ROBO2: variants seen among roughly 807,000 people sequenced by gnomAD.
ROBO2 encodes the protein roundabout homolog 2.
ROBO2 carries 53 observed loss-of-function variants against 160.8 expected under a neutral mutation model. The ratio of observed to expected loss-of-function variants is 0.33; its 90% confidence interval spans 0.26 to 0.41. The LOEUF is 0.41. Among genes scored for constraint, ROBO2 ranks in the 10% least tolerant of loss-of-function variants. The pLI is 1.00. For missense variants in ROBO2, 1,577 were observed against 1,722.4 expected (o/e 0.92, Z 1.49); for synonymous variants, 664 against 611.7 (o/e 1.09, Z -1.26).
rs111533775 is a variant in ROBO2 at position 75,931,869 on chromosome 3, G to T, written c.-13-5612G>T. Among the ~76,000 whole-genome samples the T allele has an allele frequency of 3.4e-3, 512 of 152,046 alleles. 2 individuals carry two copies. Among genetic ancestry groups the T allele is most frequent in the African/African-American group, 0.012 (500 of 41,458 alleles). ...CAGAATTAAAACCCTAGGAGTACAG[G>T]ACTATGGCTTTCTTATTCACCACTG... On this transcript the variant is annotated intron_variant, in intron 1 of 26. Transcript: ENST00000487694.
At chr3:76,125,832 A>T (rs539488978) in intron 2 of ROBO2, among the ~76,000 whole-genome samples, 1 of 151,942 alleles carries the variant, frequency 6.6e-6, no homozygotes, top group Non-Finnish European at 1.5e-5. Flanking sequence ...TTTTCTATTT[A>T]TTATTATTAT....
At chr3:76,542,606 T>C (rs965644590) in intron 2 of ROBO2, among the ~76,000 whole-genome samples, 6 of 152,208 alleles carry the variant, frequency 3.9e-5, no homozygotes, top group Non-Finnish European at 7.3e-5. Flanking sequence ...TTTTTTCTTA[T>C]TGTGAGCCTG....
intron 1 of ROBO2, among the ~76,000 whole-genome samples, chr3:77,097,230 T>C (rs2071202573): frequency 6.6e-6 from 1 of 152,230 alleles, no homozygotes; most frequent in South Asian, 2.1e-4. Context: ...TTGCTGATGG[T>C]ATCTCTTGGC....
At chr3:76,071,870 G>A (rs2068466466) in intron 2 of ROBO2, among the ~76,000 whole-genome samples, 1 of 152,012 alleles carries the variant, frequency 6.6e-6, no homozygotes, top group South Asian at 2.1e-4. Flanking sequence ...TTAATGTCAA[G>A]CTAACACCTC....
chr3:76,158,519 C>A (rs2072497490), intron 2 of ROBO2, among the ~76,000 whole-genome samples: 1 of 151,320 alleles, frequency 6.6e-6, no homozygotes, highest in Admixed American at 6.6e-5. Flanking sequence ...CTCTTTGAGT[C>A]TATTTGATAC....
chr3:76,592,435 A>G (rs2086472957), intron 2 of ROBO2, among the ~76,000 whole-genome samples: 1 of 152,042 alleles, frequency 6.6e-6, no homozygotes, highest in Non-Finnish European at 1.5e-5. Context: ...ATCCATACAT[A>G]TTTGCTATGC....
At chr3:76,974,976 A>G (rs139719652) in intron 2 of ROBO2, among the ~76,000 whole-genome samples, 16 of 152,330 alleles carry the variant, frequency 1.1e-4, no homozygotes, top group African/African-American at 3.8e-4. Flanking sequence ...AAAATTCCAT[A>G]TGATAATAAT....
At chr3:77,584,706 A>G (rs2093998753) in intron 16 of ROBO2, among the ~76,000 whole-genome samples, 2 of 151,918 alleles carry the variant, frequency 1.3e-5, no homozygotes, top group Admixed American at 6.6e-5. Context: ...AGTCATTCAG[A>G]CTGAATTAAT....
chr3:76,011,466 A>G (rs533951286), intron 2 of ROBO2, among the ~76,000 whole-genome samples: 3 of 152,166 alleles, frequency 2.0e-5, no homozygotes, highest in Non-Finnish European at 2.9e-5. Flanking sequence ...TTAGATGGGA[A>G]TCCGGCCACA....
At chr3:76,229,154 C>A (rs2107460311) in intron 2 of ROBO2, among the ~76,000 whole-genome samples, 1 of 152,212 alleles carries the variant, frequency 6.6e-6, no homozygotes, top group African/African-American at 2.4e-5. Context: ...AAATTAAATA[C>A]ATTTAATGTT....
chr3:77,246,635 A>G (rs1298347143), intron 2 of ROBO2, among the ~76,000 whole-genome samples: 1 of 152,180 alleles, frequency 6.6e-6, no homozygotes, highest in African/African-American at 2.4e-5. Flanking sequence ...GAATCAGAAA[A>G]AGTCAACTGC....
intron 2 of ROBO2, among the ~76,000 whole-genome samples, chr3:76,964,429 G>A (rs1032896659): frequency 2.4e-4 from 36 of 151,936 alleles, no homozygotes; most frequent in African/African-American, 6.5e-4. Flanking sequence ...TGCAACCTCC[G>A]CCTCCCTGGT....
At chr3:77,126,760 T>C (rs2075354979) in intron 2 of ROBO2, among the ~76,000 whole-genome samples, 1 of 149,736 alleles carries the variant, frequency 6.7e-6, no homozygotes, top group South Asian at 2.1e-4. Context: ...ATATATTTCA[T>C]GTATATTTGA....
chr3:77,020,792 C>G (rs1446080146), intron 2 of ROBO2, among the ~76,000 whole-genome samples: 1 of 152,118 alleles, frequency 6.6e-6, no homozygotes, highest in Non-Finnish European at 1.5e-5. Flanking sequence ...GTGTTTGTTT[C>G]TTGAATAGTA....
At chr3:76,031,576 C>T (rs556516446) in intron 2 of ROBO2, among the ~76,000 whole-genome samples, 21 of 152,112 alleles carry the variant, frequency 1.4e-4, no homozygotes, top group Non-Finnish European at 2.1e-4. Flanking sequence ...GCATGAAGGG[C>T]TGTTGAATTT....
intron 2 of ROBO2, among the ~76,000 whole-genome samples, chr3:77,459,121 A>G (rs1013500737): frequency 1.3e-4 from 20 of 152,236 alleles, no homozygotes; most frequent in African/African-American, 4.6e-4. Flanking sequence ...TGGATGTGAT[A>G]AGAAGTGATA....
Position 76,187,416 on chromosome 3 carries a change from A to T in ROBO2, c.109+249814A>T, listed in dbSNP as rs191523974. ...CAGCCTCCTGAGTAGCTGGGACAAC[A>T]GGTGTGCACCACCACACCCAACTGA... is the stretch of plus-strand genomic sequence containing the variant. On this transcript the variant is annotated intron_variant, in intron 2 of 26. Transcript: ENST00000487694. 1.5e-4 allele frequency among the ~76,000 whole-genome samples: 22 copies of T among 151,490 alleles called. No homozygotes were observed. In the East Asian group the frequency reaches 3.3e-3, roughly 23 times the overall value.
chr3:76,000,635 C>G (rs1306804392), intron 2 of ROBO2, among the ~76,000 whole-genome samples: 1 of 151,806 alleles, frequency 6.6e-6, no homozygotes. Context: ...ACTACAGGTG[C>G]CTGCCACCAC....
intron 2 of ROBO2, among the ~76,000 whole-genome samples, chr3:76,457,108 A>G (rs1273400958): frequency 6.6e-6 from 1 of 152,170 alleles, no homozygotes; most frequent in East Asian, 1.9e-4. Context: ...AAAACCAACC[A>G]TGCCTTCCTA....
Sources: gnomAD v4.1 joint callset for allele counts (sites outside exome capture counted in the v4.1 genomes callset) on GRCh38, gnomAD v4.1.1 for gene constraint, MANE v1.5 for transcripts, NCBI Gene and HGNC (gene_info 2026-07-23, HGNC 2026-07-21) for gene names.